Variants in SYT3 observed in about 807,000 individuals in gnomAD.
SYT3 encodes the protein synaptotagmin-3.
A neutral mutation model predicts 50.6 loss-of-function variants in SYT3; 25 were observed. The ratio of observed to expected loss-of-function variants is 0.49; its 90% CI spans 0.36 to 0.69. The LOEUF (loss-of-function observed/expected upper bound fraction) is 0.69, where lower values mean the gene tolerates loss of function less well. Ranked by LOEUF, SYT3 falls within the 30% of genes least tolerant of loss-of-function variation. SYT3 has a pLI of 0.00. For missense variants in SYT3, 589 were observed against 793.6 expected (o/e 0.74, Z 3.10); for synonymous variants, 323 against 353.9 (o/e 0.91, Z 0.98).
Position 50,629,278 on chromosome 19 carries a change from G to C in SYT3, c.1281+16C>G, listed in dbSNP as rs1344118103. 6.3e-7 allele frequency: 1 copy of C among 1,581,820 alleles called. No homozygotes were observed. The highest frequency in any genetic ancestry group is 8.6e-7 in the Non-Finnish European group (1 of 1,160,486). ...GGGCCCTGGGAAGGGGAAGGTCAGG[G>C]GAGAGGGCCACTGACCGAGCCGCCC... On this transcript the variant is annotated intron_variant, in intron 6 of 10. Transcript: ENST00000600079.
upstream of SYT3, among the ~76,000 whole-genome samples, chr19:50,644,138 A>G (rs1240041547): frequency 6.6e-6 from 1 of 152,236 alleles, no homozygotes; most frequent in African/African-American, 2.4e-5. Context: ...GGCGCATGGT[A>G]GGCACTCAAT....
the SYT3 span, among the ~76,000 whole-genome samples, chr19:50,645,216 G>A: frequency 6.6e-6 from 1 of 152,210 alleles, no homozygotes; most frequent in Non-Finnish European, 1.5e-5. Flanking sequence ...CGCTGATTCA[G>A]GGGTGTGTGT....
Position 50,637,387 on chromosome 19 carries a change from G to A in SYT3, c.25C>T (p.Leu9Phe). Residue 9 changes from leucine (L) to phenylalanine (F), a missense_variant, in exon 3 of 11, where the codon CTC becomes TTC. By Grantham distance (22) the Leu-to-Phe change is conservative. This residue lies in a region of SYT3 where 316 missense variants were observed against 354.3 expected (regional missense o/e 0.89). Transcript: ENST00000600079. The surrounding 1 kb of genome is among the most constrained non-coding windows in gnomAD (Gnocchi z 4.9). ...ACCAGGATGAGTGCCCGCCGGCAGA[G>A]GTCATCCTCGTAGTCTCCTGACATG... MSGDYEDD[L>F]CRRALILVSD... 1 of 1,607,910 alleles carries A rather than the reference G, an allele frequency of 6.2e-7. No individual in the cohort carries two copies. The highest frequency in any genetic ancestry group is 8.5e-7 in the Non-Finnish European group (1 of 1,177,204).
chr19:50,641,925 T>C (rs1984690130), upstream of SYT3, among the ~76,000 whole-genome samples: 1 of 152,056 alleles, frequency 6.6e-6, no homozygotes, highest in African/African-American at 2.4e-5. Flanking sequence ...AGTAAGTAAA[T>C]AAAAGTAAAA....
chr19:50,626,470 C>G (rs1360155797), intron 6 of SYT3, among the ~76,000 whole-genome samples: 2 of 142,880 alleles, frequency 1.4e-5, no homozygotes, highest in Non-Finnish European at 3.0e-5. Flanking sequence ...GACAGAGACC[C>G]AGAGAGAGAG....
chr19:50,652,086 C>T, the SYT3 span, among the ~76,000 whole-genome samples: 27 of 152,260 alleles, frequency 1.8e-4, no homozygotes, highest in South Asian at 5.4e-3. Flanking sequence ...TGGGCTCAAG[C>T]GATCCTCCTG....
chr19:50,655,882 CA>C, the SYT3 span, among the ~76,000 whole-genome samples: 1 of 152,234 alleles, frequency 6.6e-6, no homozygotes, highest in South Asian at 2.1e-4. Flanking sequence ...CCAGGCATCA[CA>C]GAGCCGGTGT....
the SYT3 span, among the ~76,000 whole-genome samples, chr19:50,656,933 C>G: frequency 1.0e-4 from 13 of 129,106 alleles, no homozygotes; most frequent in African/African-American, 3.6e-4. Flanking sequence ...GCCTGGGTGA[C>G]AAAGTGAGAC....
the SYT3 span, among the ~76,000 whole-genome samples, chr19:50,654,252 T>A: frequency 2.6e-5 from 4 of 152,106 alleles, no homozygotes; most frequent in African/African-American, 7.2e-5. Flanking sequence ...CCTTGCTCCT[T>A]TCCTCTCTTT....
Position 50,629,873 on chromosome 19 carries a change from C to T in SYT3, c.973G>A (p.Asp325Asn), listed in dbSNP as rs756676284. The T allele has an allele frequency of 1.5e-5, 25 of 1,613,948 alleles. No individual in the cohort carries two copies. The African/African-American group carries it at 3.2e-4, about 21-fold the overall frequency. Residue 325 changes from aspartate to asparagine, a missense_variant, in exon 5 of 11, where the codon GAC becomes AAC. By Grantham distance (23) the Asp-to-Asn change is conservative. Around this residue, in one of 2 missense-constraint regions of SYT3, gnomAD observed 273 missense variants for 439.3 expected, o/e 0.62. Coordinates refer to ENST00000600079, the MANE Select transcript of SYT3 (RefSeq NM_001160329.2). ...CCGTTGGAGTCCTTGGCAGGGAGGT[C>T]CAGGGCCTGCAGGATCCTCACCACC... is the stretch of plus-strand genomic sequence containing the variant. ...QLVVRILQAL[D>N]LPAKDSNGFS...
At chr19:50,657,125 C>T in the SYT3 span, among the ~76,000 whole-genome samples, 1 of 152,064 alleles carries the variant, frequency 6.6e-6, no homozygotes, top group Non-Finnish European at 1.5e-5. Flanking sequence ...GTCCCAGGCA[C>T]TCAACAATTG....
the SYT3 span, among the ~76,000 whole-genome samples, chr19:50,646,339 G>C: frequency 6.6e-6 from 1 of 152,208 alleles, no homozygotes; most frequent in Non-Finnish European, 1.5e-5. Flanking sequence ...TTTGATGCCA[G>C]AGCCCATGTT....
the SYT3 span, among the ~76,000 whole-genome samples, chr19:50,646,231 C>T: frequency 8.4e-4 from 128 of 152,226 alleles, no homozygotes; most frequent in African/African-American, 2.9e-3. Context: ...TTGAAGGTAG[C>T]ATTGAGGAAG....
At chr19:50,642,788 C>G (rs1599824148), upstream of SYT3, among the ~76,000 whole-genome samples, 1 of 152,110 alleles carries the variant, frequency 6.6e-6, no homozygotes, top group Non-Finnish European at 1.5e-5. Flanking sequence ...GAGCCAAGAT[C>G]ATGCCATTGC....
the SYT3 span, chr19:50,649,853 T>C: frequency 2.1e-6 from 1 of 481,704 alleles, no homozygotes; most frequent in African/African-American, 2.0e-5. Flanking sequence ...CCAAAGCTGC[T>C]CTCCTCCTTC....
intron 6 of SYT3, among the ~76,000 whole-genome samples, chr19:50,627,536 C>T (rs549587097): frequency 2.0e-5 from 3 of 152,286 alleles, no homozygotes; most frequent in East Asian, 1.9e-4. Flanking sequence ...GCCTGGCCAG[C>T]ATGGCGAAAC....
chr19:50,650,770 C>G, the SYT3 span, among the ~76,000 whole-genome samples: 1 of 152,254 alleles, frequency 6.6e-6, no homozygotes, highest in Non-Finnish European at 1.5e-5. Flanking sequence ...CCTCAGCCTT[C>G]GAGGCCGAAC....
the SYT3 span, among the ~76,000 whole-genome samples, chr19:50,654,085 C>T: frequency 3.6e-4 from 54 of 152,038 alleles, no homozygotes; most frequent in African/African-American, 1.3e-3. Context: ...AGTGGCCTTG[C>T]TTGATGTTGG....
At chr19:50,657,966 G>A in the SYT3 span, 1 of 1,514,254 alleles carries the variant, frequency 6.6e-7, no homozygotes, top group East Asian at 2.5e-5. Flanking sequence ...CACGGGCTGA[G>A]GTTCTCTCTC....
Sources: gnomAD v4.1 joint callset for allele counts (sites outside exome capture counted in the v4.1 genomes callset) on GRCh38, gnomAD v4.1.1 for gene constraint, gnomAD v4.1.1 regional missense constraint, Gnocchi (gnomAD v3.1) non-coding constraint, MANE v1.5 for transcripts, NCBI Gene and HGNC (gene_info 2026-07-23, HGNC 2026-07-21) for gene names.